Variants in SEC23A observed in about 807,000 individuals in gnomAD.
SEC23A encodes the protein SEC23 homolog A, COPII component, also known as protein transport protein Sec23A.
In SEC23A, 56 loss-of-function variants were observed where a neutral mutation model predicts 103.7. That is an observed-to-expected ratio of 0.54 (90% confidence interval 0.44 to 0.67). The LOEUF (loss-of-function observed/expected upper bound fraction) is 0.67, where lower values mean the gene tolerates loss of function less well. Among genes scored for constraint, SEC23A ranks in the 30% least tolerant of loss-of-function variants. The pLI is 0.00. For synonymous variants in SEC23A, 281 were observed against 293.0 expected (o/e 0.96, Z 0.42); for missense variants, 784 against 936.4 (o/e 0.84, Z 2.12).
rs377375350 is a variant in SEC23A, at chr14:39,102,194, T to C, written c.-22+838A>G. Among the ~76,000 whole-genome samples the C allele has an allele frequency of 1.9e-4, 28 of 150,738 alleles. No homozygotes were observed. The East Asian group carries it at 4.7e-3, about 25-fold the overall frequency. ...TTGCAGTGAGCCGAGATTGCGCCAC[T>C]GCACTCCAGCCTGGGCGACAAAGCA... On this transcript the variant is annotated intron_variant, in intron 1 of 19. Transcript: ENST00000307712.
chr14:39,092,670 C>G (rs892212089), intron 3 of SEC23A, 43 bp from the exon 4 acceptor site: 1 of 1,110,958 alleles, frequency 9.0e-7, no homozygotes, highest in Admixed American at 1.9e-5. Context: ...AAATTATAGG[C>G]TAGAAAGATT....
intron 2 of SEC23A, among the ~76,000 whole-genome samples, chr14:39,093,774 C>A (rs1887746929): frequency 6.6e-6 from 1 of 152,028 alleles, no homozygotes; most frequent in African/African-American, 2.4e-5. Flanking sequence ...TATATATATG[C>A]ACACATATAT....
chr14:39,065,262 T>TACCC (rs1886618285), intron 10 of SEC23A, among the ~76,000 whole-genome samples: 1 of 152,130 alleles, frequency 6.6e-6, no homozygotes, highest in Non-Finnish European at 1.5e-5. Context: ...CACTTCTACC[T>TACCC]ACCCACCCAA....
rs527576532 is a variant in SEC23A, at chr14:39,044,028, G to C, written c.1899+1135C>G. Among the ~76,000 whole-genome samples, 3 of 152,200 alleles carry C rather than the reference G, an allele frequency of 2.0e-5. No homozygotes were observed. In the East Asian group the frequency reaches 5.8e-4, roughly 29 times the overall value. ...GCGTGGGTCATGGTGGGGGTGTTTT[G>C]GCCGTTTGTTATAAACCTGACTGTT... On this transcript the variant is annotated intron_variant, in intron 16 of 19. Transcript: ENST00000307712.
intron 9 of SEC23A, 42 bp from the exon 10 acceptor site, chr14:39,067,338 A>T (rs780033035): frequency 1.9e-6 from 3 of 1,610,148 alleles, no homozygotes; most frequent in Non-Finnish European, 2.5e-6. Flanking sequence ...TGACACAGTT[A>T]CTGAGTCCGT....
At chr14:39,087,127 G>T (rs1887472741) in intron 5 of SEC23A, 119 bp from the exon 6 acceptor site, 1 of 692,330 alleles carries the variant, frequency 1.4e-6, no homozygotes, top group Non-Finnish European at 2.6e-6. Flanking sequence ...AAAATACAAG[G>T]TCTCCTTCCT....
intron 13 of SEC23A, among the ~76,000 whole-genome samples, chr14:39,061,339 A>G (rs1886469470): frequency 6.6e-6 from 1 of 152,116 alleles, no homozygotes; most frequent in Admixed American, 6.5e-5. Flanking sequence ...AAGCTGAGTA[A>G]TGGCATAATA....
intron 7 of SEC23A, among the ~76,000 whole-genome samples, chr14:39,076,324 T>A (rs577452583): frequency 1.2e-3 from 175 of 152,142 alleles, no homozygotes; most frequent in African/African-American, 4.0e-3. Context: ...ATGAGCCTAA[T>A]CCCTATAAAC....
chr14:39,085,591 T>C (rs749343543), intron 7 of SEC23A, among the ~76,000 whole-genome samples, 171 bp downstream of exon 7: 3 of 152,054 alleles, frequency 2.0e-5, no homozygotes, highest in Admixed American at 2.0e-4. Context: ...TTGGTTGGTA[T>C]GTGGGGGAAA....
chr14:39,059,289 AAAAAAAAAAAAAAAAAAAAAAC>A (rs1323868631), intron 13 of SEC23A, among the ~76,000 whole-genome samples: 2 of 91,532 alleles, frequency 2.2e-5, no homozygotes, highest in Non-Finnish European at 4.7e-5. Context: ...AAAAAAAAAA[AAAAAAAAAAAAAAAAAAAAAAC>A]AACAAGGTGC....
At chr14:39,079,895 T>C (rs1887163996) in intron 7 of SEC23A, among the ~76,000 whole-genome samples, 1 of 152,144 alleles carries the variant, frequency 6.6e-6, no homozygotes, top group Non-Finnish European at 1.5e-5. Flanking sequence ...GAAAGTTGTC[T>C]TCTACTTATT....
At chr14:39,101,385 C>T (rs1424192998) in intron 1 of SEC23A, among the ~76,000 whole-genome samples, 1 of 151,516 alleles carries the variant, frequency 6.6e-6, no homozygotes, top group Non-Finnish European at 1.5e-5. Context: ...TTTTGGAGGC[C>T]GAGGAGGGTG....
At position 39,073,224 on chromosome 14, in the gene SEC23A, C is replaced by T. The variant is rs531597862; in HGVS notation, c.1103+1191G>A. Among the ~76,000 whole-genome samples the T allele has an allele frequency of 4.6e-5, 7 of 152,278 alleles. No individual in the cohort carries two copies. The East Asian group carries it at 7.7e-4, about 17-fold the overall frequency. Reference sequence around the variant, plus strand: ...AATAAAATAAAATAAAATATTAGTACATTCTACAGTCTGGATGAACCTTGA... The same window carrying T: ...AATAAAATAAAATAAAATATTAGTATATTCTACAGTCTGGATGAACCTTGA... On this transcript the variant is annotated intron_variant, in intron 9 of 19. Transcript: ENST00000307712.
intron 7 of SEC23A, among the ~76,000 whole-genome samples, chr14:39,083,436 T>C (rs1008618116): frequency 6.6e-6 from 1 of 152,072 alleles, no homozygotes; most frequent in African/African-American, 2.4e-5. Context: ...ACATACATCT[T>C]ACATATGTTG....
intron 9 of SEC23A, among the ~76,000 whole-genome samples, chr14:39,067,503 AC>A (rs1267358760): frequency 6.8e-6 from 1 of 147,598 alleles, no homozygotes; most frequent in Non-Finnish European, 1.5e-5. Flanking sequence ...GTAACAGAGT[AC>A]CCCTAACAGT....
intron 13 of SEC23A, among the ~76,000 whole-genome samples, chr14:39,055,994 T>C (rs1006200162): frequency 6.6e-6 from 1 of 152,202 alleles, no homozygotes; most frequent in Non-Finnish European, 1.5e-5. Context: ...TGTGCAAGGC[T>C]CTCTTGAGCA....
In SEC23A at chr14:39,045,346, T is replaced by C. The variant is rs374718440; in HGVS notation, c.1738-22A>G. The C allele has an allele frequency of 1.9e-4, 306 of 1,573,398 alleles. 1 individual carries two copies. Among genetic ancestry groups the C allele is most frequent in the Non-Finnish European group, 2.5e-4 (286 of 1,145,358 alleles). On this transcript the variant is annotated intron_variant, in intron 15 of 19. Transcript: ENST00000307712. ...TAAACTGTAAGATAAACACGTAAGATAGTTGTTACTGATTTTAATATTAAA... is the reference window on the plus strand; with the variant it reads ...TAAACTGTAAGATAAACACGTAAGACAGTTGTTACTGATTTTAATATTAAA...
intron 3 of SEC23A, chr14:39,092,851 GTTTGTTTGTTTGT>G (rs986609520): frequency 3.4e-5 from 17 of 498,946 alleles, no homozygotes; most frequent in Admixed American, 1.1e-4. Flanking sequence ...TTTTTCATTT[GTTTGTTTGTTTGT>G]TTTGTTTGTT....
At chr14:39,073,255 T>C (rs1265780209) in intron 9 of SEC23A, among the ~76,000 whole-genome samples, 1 of 152,180 alleles carries the variant, frequency 6.6e-6, no homozygotes, top group Non-Finnish European at 1.5e-5. Context: ...CTTGAAAACA[T>C]TATGCTGAGT....
Sources: gnomAD v4.1 joint callset for allele counts (sites outside exome capture counted in the v4.1 genomes callset) on GRCh38, gnomAD v4.1.1 for gene constraint, MANE v1.5 for transcripts, NCBI Gene and HGNC (gene_info 2026-07-23, HGNC 2026-07-21) for gene names.